The following ECPAS variants were observed in gnomAD, a reference collection of about 807,000 sequenced individuals.
The protein encoded by ECPAS is Ecm29 proteasome adaptor and scaffold.
ECPAS carries 70 observed loss-of-function variants against 255.1 expected under a neutral mutation model. The ratio of observed to expected loss-of-function variants is 0.27; its 90% CI spans 0.23 to 0.33. The LOEUF (loss-of-function observed/expected upper bound fraction) is 0.33. Ranked by LOEUF, ECPAS falls within the 10% of genes least tolerant of loss-of-function variation. The pLI is 1.00. For missense variants in ECPAS, 1,817 were observed against 2,206.4 expected, an observed-to-expected ratio of 0.82 and a Z score of 3.54; for synonymous variants, 784 against 775.0, an observed-to-expected ratio of 1.01 and a Z score of -0.19.
intron 2 of ECPAS, among the ~76,000 whole-genome samples, chr9:111,470,861 A>C (rs1564568129): frequency 6.6e-6 from 1 of 151,918 alleles, no homozygotes; most frequent in Non-Finnish European, 1.5e-5. Flanking sequence ...CCCTAGATTT[A>C]ATGAGTAAGT....
chr9:111,378,735 A>G lies in ECPAS; in HGVS notation c.3804-5T>C, dbSNP rs1362644542. On this transcript the variant is annotated splice_polypyrimidine_tract_variant and splice_region_variant and intron_variant, in intron 35 of 49. Coordinates refer to ENST00000684092, the MANE Select transcript of ECPAS (RefSeq NM_001364929.1). ...ATCTTCACAAGGGTGTTAATGCTAC[A>G]AACATATGGAACACAACTCCTGAGT... The G allele has an allele frequency of 1.9e-6, 3 of 1,605,254 alleles. No individual in the cohort carries two copies. The highest frequency in any genetic ancestry group is 1.7e-6 in the Non-Finnish European group (2 of 1,174,048).
intron 31 of ECPAS, among the ~76,000 whole-genome samples, chr9:111,389,272 T>C (rs934711586): frequency 1.3e-5 from 2 of 152,232 alleles, no homozygotes; most frequent in Non-Finnish European, 2.9e-5. Context: ...CAACAGTCCC[T>C]ATCCACATTT....
chr9:111,375,566 A>T (rs2098132451), intron 37 of ECPAS, among the ~76,000 whole-genome samples: 1 of 152,166 alleles, frequency 6.6e-6, no homozygotes, highest in African/African-American at 2.4e-5. Context: ...GGCCTACCCT[A>T]CCAAACCCCC....
rs900736805 is a variant in ECPAS, at chr9:111,425,904, C to T, written c.1051-76G>A. 4 of 708,236 alleles carry T rather than the reference C, an allele frequency of 5.6e-6. No homozygotes were observed. In the South Asian group the frequency reaches 6.0e-5, roughly 11 times the overall value. The allele number at this position is 708,236 out of a possible 1,614,324, so 43.9% of individuals were successfully genotyped here. Reference sequence around the variant, plus strand: ...ATATTTTTGAATAGTAATCAGAATTCAGCAGCAGACCTTTCATACTACATC... The same window carrying T: ...ATATTTTTGAATAGTAATCAGAATTTAGCAGCAGACCTTTCATACTACATC... On this transcript the variant is annotated intron_variant, in intron 10 of 49. Transcript: ENST00000684092.
intron 20 of ECPAS, among the ~76,000 whole-genome samples, chr9:111,412,855 T>C (rs756575460): frequency 6.6e-5 from 10 of 152,162 alleles, no homozygotes; most frequent in Non-Finnish European, 1.2e-4. Flanking sequence ...AAAGACATAA[T>C]TTTTACATTT....
intron 33 of ECPAS, among the ~76,000 whole-genome samples, chr9:111,384,975 G>A (rs1356968414): frequency 6.6e-6 from 1 of 152,164 alleles, no homozygotes; most frequent in Non-Finnish European, 1.5e-5. Flanking sequence ...AATTAAGATT[G>A]CCCAAGAAAA....
intron 24 of ECPAS, among the ~76,000 whole-genome samples, chr9:111,407,009 T>C (rs2098184960): frequency 6.7e-6 from 1 of 149,300 alleles, no homozygotes; most frequent in African/African-American, 2.6e-5. Context: ...TTAATCTCTC[T>C]ACCTTATTTC....
intron 2 of ECPAS, among the ~76,000 whole-genome samples, chr9:111,453,493 C>T (rs1377139061): frequency 1.3e-5 from 2 of 151,832 alleles, no homozygotes; most frequent in Non-Finnish European, 2.9e-5. Context: ...GGCTATTTCC[C>T]CCTACAGGAG....
chr9:111,436,998 A>G lies in ECPAS; in HGVS notation c.650T>C (p.Phe217Ser), dbSNP rs2098239128. ...GIPQPPPGMS[F>S]YAAKRVIGDN... ...ACCAATAACTCGTTTGGCTGCATAA[A>G]AGCTCATTCCCGGAGGAGGCTGTGG... Residue 217 changes from phenylalanine to serine, a missense_variant, in exon 7 of 50, where the codon TTT (phenylalanine) becomes TCT (serine). Phe to Ser is a radical substitution (Grantham distance 155). Around this residue, in one of 4 missense-constraint regions of ECPAS, gnomAD observed 573 missense variants for 716.2 expected, o/e 0.80. Transcript: ENST00000684092. 1 of 1,613,288 alleles carries G rather than the reference A, an allele frequency of 6.2e-7. No homozygotes were observed. Among genetic ancestry groups the G allele is most frequent in the Middle Eastern group, 1.7e-4 (1 of 6,058 alleles).
chr9:111,472,640 C>CAAA (rs1311352345), intron 2 of ECPAS, among the ~76,000 whole-genome samples: 1 of 84,678 alleles, frequency 1.2e-5, no homozygotes, highest in African/African-American at 4.4e-5. Flanking sequence ...ACACTGTCTC[C>CAAA]AAAAAAAAAA....
chr9:111,404,602 A>C (rs1218085199), intron 24 of ECPAS, among the ~76,000 whole-genome samples: 2 of 149,128 alleles, frequency 1.3e-5, no homozygotes. Context: ...CATGTAAGAC[A>C]TGCCTGCTTC....
At chr9:111,425,708 T>C in intron 11 of ECPAS, 35 bp downstream of exon 11, 1 of 1,273,554 alleles carries the variant, frequency 7.9e-7, no homozygotes, top group Non-Finnish European at 1.1e-6. Context: ...TCCAGCAGCT[T>C]GAAAACTTTA....
intron 6 of ECPAS, among the ~76,000 whole-genome samples, chr9:111,438,653 G>T (rs28673833): frequency 0.028 from 4,268 of 152,222 alleles, 208 homozygotes; most frequent in African/African-American, 0.096. Flanking sequence ...ATGTAAGATC[G>T]AGTCTCTGCC....
At position 111,420,039 on chromosome 9, in the gene ECPAS, G is replaced by A; in HGVS notation, c.1537C>T (p.Leu513=). ...TACGGATCTCCTGCAGCCAGTAGCA[G>A]CAAATATCTGGAAGGGATATGATCT... ...PSDHIPSRYL[L]LLAAGDPREE... The change falls in exon 16 of 50, where the codon CTG becomes TTG. Residue 513 remains leucine, a synonymous_variant. Transcript: ENST00000684092. The A allele has an allele frequency of 1.1e-5, 18 of 1,611,680 alleles. No individual in the cohort carries two copies. The highest frequency in any genetic ancestry group is 1.5e-5 in the Non-Finnish European group (18 of 1,178,366).
rs1319050486 is a variant in ECPAS at position 111,410,968 on chromosome 9, G to C, written c.2377+12C>G. The C allele has an allele frequency of 6.2e-7, 1 of 1,602,462 alleles. No individual in the cohort carries two copies. The highest frequency in any genetic ancestry group is 8.5e-7 in the Non-Finnish European group (1 of 1,172,724). On this transcript the variant is annotated intron_variant, in intron 22 of 49. Transcript: ENST00000684092. ...ACTGCAACACCCAAATCGACATAAA[G>C]ACATTAATTACCTATTGTTTCTGTA...
At chr9:111,389,934 G>A (rs767631700) in intron 30 of ECPAS, 50 bp downstream of exon 30, 7 of 1,330,738 alleles carry the variant, frequency 5.3e-6, no homozygotes, top group Non-Finnish European at 7.4e-6. Context: ...AATGTAGCAT[G>A]TTTGGTTTGC....
intron 1 of ECPAS, among the ~76,000 whole-genome samples, chr9:111,482,181 C>A (rs2098306665): frequency 1.3e-5 from 2 of 152,152 alleles, no homozygotes; most frequent in Admixed American, 6.6e-5. Context: ...CACGTGGAAC[C>A]GACAGAAGAG....
At chr9:111,374,228 A>G (rs1018912059) in intron 38 of ECPAS, among the ~76,000 whole-genome samples, 190 bp from the exon 39 acceptor site, 3 of 152,236 alleles carry the variant, frequency 2.0e-5, no homozygotes, top group Non-Finnish European at 2.9e-5. Flanking sequence ...CCTCCAAGAG[A>G]AAGATGGGTG....
intron 4 of ECPAS, among the ~76,000 whole-genome samples, chr9:111,443,547 C>T (rs1255781282): frequency 6.6e-6 from 1 of 151,758 alleles, no homozygotes; most frequent in Non-Finnish European, 1.5e-5. Flanking sequence ...ACGTGCCTGG[C>T]CTCTGAAGAA....
Sources: allele counts gnomAD v4.1 joint callset (sites outside exome capture counted in the v4.1 genomes callset), GRCh38; gene constraint gnomAD v4.1.1; regional missense constraint gnomAD v4.1.1; transcripts MANE v1.5; gene names NCBI Gene and HGNC (gene_info 2026-07-23, HGNC 2026-07-21).